Variants in KIAA1328 observed in about 807,000 individuals in gnomAD.
The protein encoded by KIAA1328 is KIAA1328, also known as protein hinderin.
KIAA1328 carries 52 observed loss-of-function variants against 68.1 expected under a neutral mutation model. The ratio of observed to expected loss-of-function variants is 0.76; its 90% CI spans 0.61 to 0.96. The LOEUF (loss-of-function observed/expected upper bound fraction) is 0.96. Among genes scored for constraint, KIAA1328 ranks in the 40% least tolerant of loss-of-function variants. The probability of loss-of-function intolerance (pLI) is 0.00; values close to 1 mark genes in which losing one functional copy is unlikely to be tolerated. For missense variants in KIAA1328, 641 were observed against 677.6 expected (o/e 0.95, Z 0.60); for synonymous variants, 232 against 239.4 (o/e 0.97, Z 0.28).
Position 37,222,242 on chromosome 18 carries a change from T to G in KIAA1328, c.*15T>G. The G allele has an allele frequency of 1.3e-6, 2 of 1,552,450 alleles. No individual in the cohort carries two copies. Among genetic ancestry groups the G allele is most frequent in the Non-Finnish European group, 1.7e-6 (2 of 1,147,374 alleles). ...TTTTCATTTGACATATTGCAAAATT[T>G]TCTTAGGAAATTTGTGGGTTTCCTC... On this transcript the variant is annotated 3_prime_UTR_variant, in exon 10 of 10. Coordinates refer to ENST00000280020, the MANE Select transcript of KIAA1328 (RefSeq NM_020776.3).
At chr18:36,932,703 C>G (rs2050356536) in intron 5 of KIAA1328, among the ~76,000 whole-genome samples, 1 of 152,186 alleles carries the variant, frequency 6.6e-6, no homozygotes. Context: ...CTCCAAAACT[C>G]TCAACTATTC....
rs573664534 is a variant in KIAA1328, at chr18:36,921,595, G to A, written c.448+35923G>A. ...ATTTTTTTGTATTTTTAGTAGAGAC[G>A]GGGTTTCACTGTGTTAGCCAGGATG... is the stretch of plus-strand genomic sequence containing the variant. On this transcript the variant is annotated intron_variant, in intron 5 of 9. Transcript: ENST00000280020. 3.3e-5 allele frequency among the ~76,000 whole-genome samples: 5 copies of A among 152,054 alleles called. No individual in the cohort carries two copies. The South Asian group carries it at 6.2e-4, about 19-fold the overall frequency.
chr18:37,226,828 C>T (rs898816121), downstream of KIAA1328, among the ~76,000 whole-genome samples: 7 of 144,746 alleles, frequency 4.8e-5, no homozygotes, highest in Non-Finnish European at 7.4e-5. Flanking sequence ...AGTGCAATGG[C>T]GCAATCTCAG....
At chr18:36,997,406 A>T (rs1313936320) in intron 6 of KIAA1328, among the ~76,000 whole-genome samples, 1 of 152,152 alleles carries the variant, frequency 6.6e-6, no homozygotes, top group African/African-American at 2.4e-5. Flanking sequence ...CAACACAGGG[A>T]AAGGGTGAGT....
chr18:37,065,885 A>G (rs2056321032), intron 6 of KIAA1328, among the ~76,000 whole-genome samples: 1 of 152,220 alleles, frequency 6.6e-6, no homozygotes, highest in Admixed American at 6.5e-5. Context: ...TAAGTCAGCG[A>G]TGTTCAGAGA....
At chr18:36,937,868 T>C (rs2050564081) in intron 5 of KIAA1328, among the ~76,000 whole-genome samples, 1 of 152,204 alleles carries the variant, frequency 6.6e-6, no homozygotes, top group Admixed American at 6.5e-5. Flanking sequence ...CAATATTGTC[T>C]TTCCATTCTT....
rs191379387 is a variant in KIAA1328, at chr18:37,038,653, T to C, written c.577-28237T>C. On this transcript the variant is annotated intron_variant, in intron 6 of 9. Coordinates refer to ENST00000280020, the MANE Select transcript of KIAA1328 (RefSeq NM_020776.3). Reference sequence around the variant, plus strand: ...TCTACATAAAGGATTATGGCACCTGTGAATAAAATGTTTCACTTTCTTTTC... The same window carrying C: ...TCTACATAAAGGATTATGGCACCTGCGAATAAAATGTTTCACTTTCTTTTC... Among the ~76,000 whole-genome samples, 136 of 152,278 alleles carry C rather than the reference T, an allele frequency of 8.9e-4. 2 individuals carry two copies. The East Asian group carries it at 0.016, about 18-fold the overall frequency.
chr18:36,895,902 G>C (rs2048853042), intron 5 of KIAA1328: 1 of 375,994 alleles, frequency 2.7e-6, no homozygotes, highest in Non-Finnish European at 5.4e-6. Context: ...ACAGCAAGAA[G>C]GTAGAAGCCT....
intron 1 of KIAA1328, among the ~76,000 whole-genome samples, chr18:36,830,781 C>T (rs2046456984): frequency 6.6e-6 from 1 of 152,150 alleles, no homozygotes; most frequent in Non-Finnish European, 1.5e-5. Context: ...TATTCGTCCT[C>T]TCATAGATAG....
At chr18:37,210,292 GA>G (rs1424496067) in intron 9 of KIAA1328, among the ~76,000 whole-genome samples, 1 of 152,130 alleles carries the variant, frequency 6.6e-6, no homozygotes, top group Admixed American at 6.5e-5. Context: ...AGAGGTAAAC[GA>G]AACTAGAAAG....
chr18:37,133,784 A>G (rs2058580663), intron 7 of KIAA1328, among the ~76,000 whole-genome samples: 1 of 151,974 alleles, frequency 6.6e-6, no homozygotes, highest in Non-Finnish European at 1.5e-5. Flanking sequence ...TCAGCCTCCC[A>G]AAGTGCTGTG....
At chr18:37,086,587 A>G (rs993955514) in intron 7 of KIAA1328, among the ~76,000 whole-genome samples, 2 of 152,210 alleles carry the variant, frequency 1.3e-5, no homozygotes, top group Non-Finnish European at 2.9e-5. Flanking sequence ...CATGCGCTGC[A>G]GTAGCTTACT....
chr18:36,894,062 A>G (rs1357333220), intron 5 of KIAA1328, among the ~76,000 whole-genome samples: 1 of 152,128 alleles, frequency 6.6e-6, no homozygotes, highest in African/African-American at 2.4e-5. Flanking sequence ...CTCTTCTATC[A>G]TTTTACAGGT....
rs187147443 is a variant in KIAA1328, at chr18:37,018,491, G to A, written c.577-48399G>A. Among the ~76,000 whole-genome samples, 392 of 152,108 alleles carry A rather than the reference G, an allele frequency of 2.6e-3. 4 individuals carry two copies. The highest frequency in any genetic ancestry group is 0.015 in the Admixed American group (231 of 15,278). The stretch of plus-strand genomic sequence containing the variant: ...CTTCCAGGTGATCTCTGGATTTCTT[G>A]TCTGCATGTCTACCTTTCTGGCATA... On this transcript the variant is annotated intron_variant, in intron 6 of 9. Transcript: ENST00000280020.
chr18:37,093,412 T>C (rs535973047), intron 7 of KIAA1328, among the ~76,000 whole-genome samples: 10 of 152,110 alleles, frequency 6.6e-5, no homozygotes, highest in Admixed American at 6.5e-4. Flanking sequence ...GGAAAACAAC[T>C]GATGATATGA....
chr18:36,925,979 G>A (rs1290338596), intron 5 of KIAA1328, among the ~76,000 whole-genome samples: 1 of 151,240 alleles, frequency 6.6e-6, no homozygotes, highest in Non-Finnish European at 1.5e-5. Flanking sequence ...CTTTTTTTAG[G>A]AGTTATCTCA....
chr18:37,149,351 C>A (rs151127826), intron 7 of KIAA1328, among the ~76,000 whole-genome samples: 2 of 152,102 alleles, frequency 1.3e-5, no homozygotes, highest in African/African-American at 4.8e-5. Flanking sequence ...GGAGAACTGG[C>A]TAGCCTTATG....
At chr18:36,964,840 T>G (rs1598840502) in intron 6 of KIAA1328, among the ~76,000 whole-genome samples, 1 of 152,144 alleles carries the variant, frequency 6.6e-6, no homozygotes, top group South Asian at 2.1e-4. Context: ...AACCATAGTT[T>G]TGGTCAATGT....
At chr18:36,918,755 A>G (rs1276063853) in intron 5 of KIAA1328, among the ~76,000 whole-genome samples, 1 of 151,740 alleles carries the variant, frequency 6.6e-6, no homozygotes, top group Non-Finnish European at 1.5e-5. Context: ...ATAAATATCC[A>G]TTTAAGCTTT....
Sources: allele counts gnomAD v4.1 joint callset (sites outside exome capture counted in the v4.1 genomes callset), GRCh38; gene constraint gnomAD v4.1.1; transcripts MANE v1.5; gene names NCBI Gene and HGNC (gene_info 2026-07-23, HGNC 2026-07-21).